Variants in CDK6 observed in about 807,000 individuals in gnomAD.
The protein encoded by CDK6 is cyclin-dependent kinase 6.
In CDK6, 6 loss-of-function variants were observed where a neutral mutation model predicts 37.1. The observed-to-expected ratio is 0.16, with a 90% CI of 0.09 to 0.32. The LOEUF (loss-of-function observed/expected upper bound fraction) is 0.32. Among genes scored for constraint, CDK6 ranks in the 10% least tolerant of loss-of-function variants. The probability of loss-of-function intolerance (pLI) is 1.00; values close to 1 mark genes in which losing one functional copy is unlikely to be tolerated. For synonymous variants in CDK6, 160 were observed against 161.3 expected (o/e 0.99, Z 0.06); for missense variants, 224 against 418.9 (o/e 0.53, Z 4.06).
At chr7:92,687,131 G>A (rs1164794087) in intron 4 of CDK6, among the ~76,000 whole-genome samples, 3 of 152,182 alleles carry the variant, frequency 2.0e-5, no homozygotes, top group Non-Finnish European at 2.9e-5. Flanking sequence ...GCAGGGCCTC[G>A]TGATACCCTC....
chr7:92,640,963 T>C (rs1474876121), intron 5 of CDK6, among the ~76,000 whole-genome samples: 3 of 152,172 alleles, frequency 2.0e-5, no homozygotes, highest in Non-Finnish European at 4.4e-5. Context: ...AGGGAATATT[T>C]AAATACAAAT....
At position 92,606,136 on chromosome 7, in the gene CDK6, TAA is replaced by T. The variant is rs1211575746; in HGVS notation, c.*9002_*9003del. On this transcript the variant is annotated 3_prime_UTR_variant, in exon 8 of 8. Transcript: ENST00000424848. ...GAATTTCAAGTATGAAGAAATACAG[TAA>T]AAGTGTGGCCTGTAGATGGAGAGAA... 1 of 233,522 alleles carries T rather than the reference TAA, an allele frequency of 4.3e-6. No individual in the cohort carries two copies. Among genetic ancestry groups the T allele is most frequent in the Non-Finnish European group, 8.5e-6 (1 of 117,990 alleles). 14.5% of individuals were successfully genotyped at this position (233,522 alleles called of 1,614,324 possible).
At chr7:92,691,999 G>A (rs1333531254) in intron 4 of CDK6, among the ~76,000 whole-genome samples, 2 of 152,188 alleles carry the variant, frequency 1.3e-5, no homozygotes, top group African/African-American at 4.8e-5. Context: ...TGGGCGCGGT[G>A]GCTCACGCTG....
intron 5 of CDK6, among the ~76,000 whole-genome samples, chr7:92,624,770 C>T (rs1437842319): frequency 1.3e-5 from 2 of 152,080 alleles, no homozygotes; most frequent in African/African-American, 4.8e-5. Context: ...ATTTATTGAG[C>T]ATGAATGTTG....
intron 2 of CDK6, among the ~76,000 whole-genome samples, chr7:92,792,085 G>A (rs1199415871): frequency 6.6e-6 from 1 of 152,086 alleles, no homozygotes; most frequent in Non-Finnish European, 1.5e-5. Flanking sequence ...GAATAAAATT[G>A]GAGGTGAGGA....
Position 92,611,479 on chromosome 7 carries a change from T to A in CDK6, c.*3661A>T. On this transcript the variant is annotated 3_prime_UTR_variant, in exon 8 of 8. Coordinates refer to ENST00000424848, the MANE Select transcript of CDK6 (RefSeq NM_001145306.2). The stretch of plus-strand genomic sequence containing the variant: ...AAAGAAAAGCAATATTTTAGAAGAA[T>A]TTTAATATGTTTATGATATTAGGAA... 1 of 227,428 alleles carries A rather than the reference T, an allele frequency of 4.4e-6. No homozygotes were observed. 14.1% of individuals were successfully genotyped at this position (227,428 alleles called of 1,614,324 possible).
intron 3 of CDK6, among the ~76,000 whole-genome samples, chr7:92,770,282 AC>A (rs893358843): frequency 6.6e-6 from 1 of 150,384 alleles, no homozygotes; most frequent in African/African-American, 2.4e-5. Context: ...TGTGATGAAA[AC>A]CCCAAGATGA....
intron 2 of CDK6, among the ~76,000 whole-genome samples, chr7:92,785,073 G>T (rs1424648844): frequency 6.6e-6 from 1 of 152,166 alleles, no homozygotes; most frequent in Non-Finnish European, 1.5e-5. Context: ...ATGACGCAGT[G>T]AAGGTAAACA....
chr7:92,650,208 A>G (rs1796541501), intron 5 of CDK6, among the ~76,000 whole-genome samples: 1 of 152,224 alleles, frequency 6.6e-6, no homozygotes, highest in African/African-American at 2.4e-5. Flanking sequence ...CAAAAATGAT[A>G]CACAGATACA....
chr7:92,616,523 G>A (rs926716819), intron 7 of CDK6, among the ~76,000 whole-genome samples: 2 of 152,170 alleles, frequency 1.3e-5, no homozygotes, highest in African/African-American at 4.8e-5. Context: ...TCTGTAGAAA[G>A]GTTCCAACTG....
chr7:92,671,839 T>TC (rs915013634), intron 4 of CDK6, among the ~76,000 whole-genome samples: 7 of 150,754 alleles, frequency 4.6e-5, no homozygotes, highest in Admixed American at 6.6e-5. Context: ...GTTTTTTTTC[T>TC]CCCCCCCTTT....
chr7:92,811,637 T>C (rs1367012615), intron 2 of CDK6, among the ~76,000 whole-genome samples: 1 of 151,980 alleles, frequency 6.6e-6, no homozygotes, highest in African/African-American at 2.4e-5. Context: ...TTGCAACTAC[T>C]ACCTGATATA....
intron 4 of CDK6, among the ~76,000 whole-genome samples, chr7:92,674,838 C>CT (rs1797168401): frequency 6.6e-6 from 1 of 152,104 alleles, no homozygotes; most frequent in African/African-American, 2.4e-5. Context: ...TTATTTCTTT[C>CT]TTTTTTCTTT....
chr7:92,801,214 A>T (rs1195469712), intron 2 of CDK6, among the ~76,000 whole-genome samples: 5 of 152,144 alleles, frequency 3.3e-5, no homozygotes. Context: ...AATCAATTGT[A>T]AATTTTATTT....
intron 2 of CDK6, among the ~76,000 whole-genome samples, chr7:92,817,107 A>T (rs1562973901): frequency 1.3e-5 from 2 of 151,978 alleles, no homozygotes; most frequent in Non-Finnish European, 2.9e-5. Flanking sequence ...AAATTCTGTT[A>T]AATGTTTAAG....
chr7:92,629,474 T>C (rs1796005954), intron 5 of CDK6, among the ~76,000 whole-genome samples: 1 of 152,028 alleles, frequency 6.6e-6, no homozygotes, highest in South Asian at 2.1e-4. Context: ...AAATTGAGGA[T>C]TAAAATTAAA....
intron 2 of CDK6, among the ~76,000 whole-genome samples, chr7:92,820,895 G>C (rs1801155346): frequency 6.8e-6 from 1 of 146,524 alleles, no homozygotes; most frequent in Non-Finnish European, 1.5e-5. Context: ...CTGAGAACTG[G>C]GGCAGGAGCT....
intron 5 of CDK6, among the ~76,000 whole-genome samples, chr7:92,671,046 A>G (rs1797061123): frequency 6.6e-6 from 1 of 152,144 alleles, no homozygotes; most frequent in Non-Finnish European, 1.5e-5. Flanking sequence ...CCATCAAAAA[A>G]GTTTTCATAC....
intron 6 of CDK6, among the ~76,000 whole-genome samples, chr7:92,620,461 G>A (rs1289807450): frequency 6.6e-6 from 1 of 152,054 alleles, no homozygotes. Flanking sequence ...AGTGAGTTCC[G>A]TTCTCTCTAT....
Sources: allele counts gnomAD v4.1 joint callset (sites outside exome capture counted in the v4.1 genomes callset), GRCh38; gene constraint gnomAD v4.1.1; transcripts MANE v1.5; gene names NCBI Gene and HGNC (gene_info 2026-07-23, HGNC 2026-07-21).